TMEM132D: variants seen among roughly 807,000 people sequenced by gnomAD.
TMEM132D encodes the protein mature OL transmembrane protein.
Under a neutral mutation model 62.3 loss-of-function variants are expected in TMEM132D, and 21 were observed. The observed-to-expected ratio is 0.34, with a 90% CI of 0.24 to 0.49. The LOEUF (loss-of-function observed/expected upper bound fraction) is 0.49, where lower values mean the gene tolerates loss of function less well. Ranked by LOEUF, TMEM132D falls within the 20% of genes least tolerant of loss-of-function variation. The pLI is 0.99. For synonymous variants in TMEM132D, 621 were observed against 575.6 expected (o/e 1.08, Z -1.13); for missense variants, 1,346 against 1,402.8 (o/e 0.96, Z 0.65).
At chr12:129,710,871 C>G (rs1266925104) in intron 1 of TMEM132D, among the ~76,000 whole-genome samples, 1 of 148,082 alleles carries the variant, frequency 6.8e-6, no homozygotes, top group Non-Finnish European at 1.5e-5. Flanking sequence ...CTCTCCCATA[C>G]CCACGCGCAT....
At position 129,222,471 on chromosome 12, in the gene TMEM132D, C is replaced by T. The variant is rs12579904; in HGVS notation, c.1300-12808G>A. Among the ~76,000 whole-genome samples the T allele has an allele frequency of 0.011, 1,741 of 152,272 alleles. 83 individuals carry two copies. The East Asian group carries it at 0.14, about 12-fold the overall frequency. On this transcript the variant is annotated intron_variant, in intron 4 of 8. Coordinates refer to ENST00000422113, the MANE Select transcript of TMEM132D (RefSeq NM_133448.3). ...TTCCCCCATATATCTAAATAATATG[C>T]TATATTCCCCTTTTTTGATATAGCA...
chr12:129,885,975 CTTA>C (rs1366153197), intron 1 of TMEM132D, among the ~76,000 whole-genome samples: 1 of 152,056 alleles, frequency 6.6e-6, no homozygotes, highest in Non-Finnish European at 1.5e-5. Flanking sequence ...TGTCCATTAC[CTTA>C]TTATGTCTTC....
At chr12:129,220,281 G>A (rs1207479398) in intron 4 of TMEM132D, among the ~76,000 whole-genome samples, 1 of 152,044 alleles carries the variant, frequency 6.6e-6, no homozygotes, top group Non-Finnish European at 1.5e-5. Flanking sequence ...GATGGTTCTA[G>A]AACCTCATTG....
At chr12:129,206,242 A>C (rs955178762) in intron 5 of TMEM132D, among the ~76,000 whole-genome samples, 2 of 152,204 alleles carry the variant, frequency 1.3e-5, no homozygotes, top group Non-Finnish European at 2.9e-5. Flanking sequence ...CTGTAAGGAA[A>C]ATAAACAATT....
At chr12:129,432,111 A>AGG (rs1455379904) in intron 3 of TMEM132D, among the ~76,000 whole-genome samples, 208 of 151,322 alleles carry the variant, frequency 1.4e-3, no homozygotes, top group African/African-American at 4.9e-3. Flanking sequence ...GGATGAATGA[A>AGG]TGGATGGATA....
chr12:129,254,604 C>T (rs914217791), intron 4 of TMEM132D, among the ~76,000 whole-genome samples: 13 of 152,040 alleles, frequency 8.6e-5, no homozygotes, highest in African/African-American at 2.4e-4. Context: ...AGCTTAACGC[C>T]GTGCTTTGGG....
chr12:129,398,339 T>C (rs1198275570), intron 3 of TMEM132D, among the ~76,000 whole-genome samples: 2 of 152,224 alleles, frequency 1.3e-5, no homozygotes, highest in Admixed American at 1.3e-4. Flanking sequence ...GCAAGATGGC[T>C]GCCTAAGCGC....
At chr12:129,599,152 C>T (rs1037291060) in intron 2 of TMEM132D, among the ~76,000 whole-genome samples, 24 of 152,224 alleles carry the variant, frequency 1.6e-4, no homozygotes, top group African/African-American at 5.8e-4. Flanking sequence ...TAATTTATGG[C>T]TGTGGCTCTG....
intron 1 of TMEM132D, among the ~76,000 whole-genome samples, chr12:129,824,741 G>T (rs1423648565): frequency 4.6e-5 from 7 of 152,164 alleles, no homozygotes; most frequent in Admixed American, 2.0e-4. Flanking sequence ...AATGTCTGTT[G>T]TTTGAGCCAC....
chr12:129,544,871 T>C (rs182623641), intron 2 of TMEM132D, among the ~76,000 whole-genome samples: 158 of 152,362 alleles, frequency 1.0e-3, no homozygotes, highest in African/African-American at 3.8e-3. Context: ...TCTGAGACTA[T>C]GATAACTGGC....
At chr12:129,418,293 A>G (rs996400606) in intron 3 of TMEM132D, among the ~76,000 whole-genome samples, 64 of 152,350 alleles carry the variant, frequency 4.2e-4, no homozygotes, top group African/African-American at 1.5e-3. Flanking sequence ...TTACAATAGC[A>G]AAGACTTGGA....
intron 4 of TMEM132D, among the ~76,000 whole-genome samples, chr12:129,313,509 A>C (rs1438970804): frequency 5.3e-5 from 8 of 151,682 alleles, no homozygotes; most frequent in Non-Finnish European, 1.5e-5. Context: ...ATTCCTTTTT[A>C]TGGCTGTGTA....
chr12:129,830,127 C>A (rs1310676052), intron 1 of TMEM132D, among the ~76,000 whole-genome samples: 1 of 152,140 alleles, frequency 6.6e-6, no homozygotes, highest in African/African-American at 2.4e-5. Flanking sequence ...AGGCTGATGG[C>A]AATATCTACT....
chr12:129,771,259 C>T (rs1249738474), intron 1 of TMEM132D, among the ~76,000 whole-genome samples: 1 of 152,226 alleles, frequency 6.6e-6, no homozygotes, highest in Non-Finnish European at 1.5e-5. Context: ...CCATTCCTGG[C>T]TCTACCGCAT....
intron 1 of TMEM132D, among the ~76,000 whole-genome samples, chr12:129,897,298 T>C (rs989172817): frequency 5.9e-5 from 9 of 152,224 alleles, no homozygotes; most frequent in African/African-American, 9.6e-5. Context: ...GTTCACAGCA[T>C]CAAGCATCCT....
intron 2 of TMEM132D, among the ~76,000 whole-genome samples, chr12:129,561,857 C>A (rs755578861): frequency 6.6e-6 from 1 of 152,040 alleles, no homozygotes; most frequent in Non-Finnish European, 1.5e-5. Context: ...GGCAGAAGAC[C>A]AGTTAAGGCT....
chr12:129,087,489 G>T (rs1259645295), intron 5 of TMEM132D, among the ~76,000 whole-genome samples: 1 of 150,786 alleles, frequency 6.6e-6, no homozygotes, highest in African/African-American at 2.4e-5. Context: ...AAGTGGAGTT[G>T]ACTGTCCTTA....
rs114358924 is a variant in TMEM132D at position 129,358,636 on chromosome 12, T to C, written c.1116-20819A>G. ...AAATAAACAATCACATCAACCAACA[T>C]AAATTGGCAACTGTAAGAAAAGAAG... On this transcript the variant is annotated intron_variant, in intron 3 of 8. Transcript: ENST00000422113. Among the ~76,000 whole-genome samples the C allele has an allele frequency of 5.8e-3, 884 of 152,240 alleles. 5 individuals carry two copies. The highest frequency in any genetic ancestry group is 0.02 in the African/African-American group (840 of 41,518).
intron 4 of TMEM132D, among the ~76,000 whole-genome samples, chr12:129,313,692 G>A (rs1259972464): frequency 3.9e-5 from 6 of 151,920 alleles, no homozygotes; most frequent in South Asian, 2.1e-4. Context: ...CATCTTTTTC[G>A]AATAATGACT....
Sources: allele counts gnomAD v4.1 joint callset (sites outside exome capture counted in the v4.1 genomes callset), GRCh38; gene constraint gnomAD v4.1.1; transcripts MANE v1.5; gene names NCBI Gene and HGNC (gene_info 2026-07-23, HGNC 2026-07-21).